PLB1: variants seen among roughly 807,000 people sequenced by gnomAD.
The protein encoded by PLB1 is phospholipase B1, membrane-associated.
In PLB1, 242 loss-of-function variants were observed where a neutral mutation model predicts 227.4. The observed-to-expected ratio is 1.06, with a 90% CI of 0.96 to 1.18. PLB1 has a LOEUF of 1.18. PLB1 is among the 50% of genes most tolerant of loss of function. The pLI, the probability that PLB1 is intolerant of heterozygous loss-of-function variation, is 0.00. For synonymous variants in PLB1, 757 were observed against 682.2 expected, an observed-to-expected ratio of 1.11 and a Z score of -1.71; for missense variants, 1,858 against 1,816.3, an observed-to-expected ratio of 1.02 and a Z score of -0.42.
At chr2:28,518,844 C>T (rs1451481469) in intron 3 of PLB1, among the ~76,000 whole-genome samples, 3 of 152,276 alleles carry the variant, frequency 2.0e-5, no homozygotes, top group Non-Finnish European at 4.4e-5. Context: ...CAGCTCTGGA[C>T]CTTTTTCCCC....
chr2:28,568,061 A>G (rs1201357185), intron 20 of PLB1, among the ~76,000 whole-genome samples: 1 of 152,190 alleles, frequency 6.6e-6, no homozygotes, highest in South Asian at 2.1e-4. Context: ...GGCAGAGCAG[A>G]GCTGAGCAGA....
intron 1 of PLB1, among the ~76,000 whole-genome samples, chr2:28,514,634 T>C (rs1423571607): frequency 6.6e-6 from 1 of 152,240 alleles, no homozygotes; most frequent in Admixed American, 6.5e-5. Flanking sequence ...GTAGTTTCAA[T>C]AGAGACCATA....
In PLB1 at chr2:28,563,094, C is replaced by T. The variant is rs746082346; in HGVS notation, c.1201C>T (p.Leu401Phe). Reference protein sequence around the residue: ...INVIGALGDSLTAGNGAGSTP... With the variant: ...INVIGALGDSFTAGNGAGSTP... The stretch of plus-strand genomic sequence containing the variant: ...CGTAATTGGAGCCCTGGGTGACTCT[C>T]TCACGGTAAGTGACCCTGATGCAGA... The change falls in exon 18 of 58, where the codon CTC becomes TTC. Residue 401 changes from leucine (L) to phenylalanine (F), a missense_variant. Coordinates refer to ENST00000327757, the MANE Select transcript of PLB1 (RefSeq NM_153021.5). 89 of 1,612,932 alleles carry T rather than the reference C, an allele frequency of 5.5e-5. No homozygotes were observed. The highest frequency in any genetic ancestry group is 7.5e-5 in the Non-Finnish European group (89 of 1,179,056).
In PLB1 at chr2:28,640,986, C is replaced by T. The variant is rs747048870; in HGVS notation, c.4158C>T (p.Leu1386=). The T allele has an allele frequency of 6.2e-7, 1 of 1,613,834 alleles. No homozygotes were observed. The change falls in exon 57 of 58, where the codon CTC becomes CTT. Residue 1386 remains leucine, a synonymous_variant. Transcript: ENST00000327757. ...ACTTCACCCACAGCCGAGCCAAACT[C>T]AAGTGCCCCTCTCCTGTGAGTAAAC... ...SNNFTHSRAK[L]KCPSPESPYL...
At chr2:28,531,836 T>TTAAACC (rs1671051665) in intron 8 of PLB1, among the ~76,000 whole-genome samples, 1 of 152,208 alleles carries the variant, frequency 6.6e-6, no homozygotes, top group African/African-American at 2.4e-5. Context: ...CCTTGTTTCC[T>TTAAACC]TAAACTATAT....
At chr2:28,539,410 C>A (rs1365252448) in intron 11 of PLB1, among the ~76,000 whole-genome samples, 2 of 152,132 alleles carry the variant, frequency 1.3e-5, no homozygotes, top group Non-Finnish European at 2.9e-5. Context: ...ATACTTTATT[C>A]TTTTATTCTG....
chr2:28,604,036 C>T lies in PLB1; in HGVS notation c.2845C>T (p.Arg949Ter), dbSNP rs1229346251. ...QELARLEAFS[R>*]AYRSSMRELV... ...GCTAGCCAGGCTGGAGGCCTTCAGC[C>T]GAGCCTACCGGGTAAGACCAAGAAG... Residue 949 changes from arginine to a stop codon, truncating the protein, a stop_gained, in exon 40 of 58, where the codon CGA (arginine) becomes TGA (stop). Transcript: ENST00000327757. LOFTEE classifies it high-confidence loss of function. 10 of 1,613,766 alleles carry T rather than the reference C, an allele frequency of 6.2e-6. No homozygotes were observed. Among genetic ancestry groups the T allele is most frequent in the Admixed American group, 5.0e-5 (3 of 60,008 alleles).
Position 28,591,737 on chromosome 2 carries a change from C to G in PLB1, c.2165C>G (p.Pro722Arg), listed in dbSNP as rs1681979666. The change falls in exon 31 of 58, where the codon CCT becomes CGT. Residue 722 changes from proline to arginine, a missense_variant. Transcript: ENST00000327757. ...TGGCTGCCATGCAGGGACAGAGCCC[C>G]TTCTGCCTTGCACCCTACCTCAGGT... ...GTWLPCRDRA[P>R]SALHPTSVHA... The G allele has an allele frequency of 1.9e-6, 3 of 1,613,866 alleles. No individual in the cohort carries two copies. Among genetic ancestry groups the G allele is most frequent in the Non-Finnish European group, 2.5e-6 (3 of 1,179,972 alleles).
At chr2:28,529,288 C>T in intron 6 of PLB1, 29 bp from the exon 7 acceptor site, 1 of 1,535,620 alleles carries the variant, frequency 6.5e-7, no homozygotes, top group Non-Finnish European at 9.0e-7. Flanking sequence ...CTGGTGAAGG[C>T]CAGGGCCTCA....
chr2:28,581,482 C>CAA (rs149826765), intron 23 of PLB1, among the ~76,000 whole-genome samples: 595 of 58,260 alleles, frequency 0.01, 18 homozygotes, highest in African/African-American at 0.049. Flanking sequence ...GAGCTCCACG[C>CAA]AAAAAAATAA....
At chr2:28,513,431 C>G (rs527909367) in intron 1 of PLB1, among the ~76,000 whole-genome samples, 1 of 152,360 alleles carries the variant, frequency 6.6e-6, no homozygotes, top group South Asian at 2.1e-4. Flanking sequence ...CCCCCCTCCT[C>G]AATGGGTGCC....
At chr2:28,554,489 C>CCTTTTTTTTTTTT (rs1674727736) in intron 17 of PLB1, among the ~76,000 whole-genome samples, 1 of 85,468 alleles carries the variant, frequency 1.2e-5, no homozygotes, top group Admixed American at 1.4e-4. Flanking sequence ...CCACACCTGC[C>CCTTTTTTTTTTTT]TTTTTTTTTT....
At chr2:28,612,957 T>C (rs1400459150) in intron 43 of PLB1, among the ~76,000 whole-genome samples, 6 of 151,712 alleles carry the variant, frequency 4.0e-5, no homozygotes, top group Non-Finnish European at 1.5e-5. Context: ...TCTCACTCTG[T>C]TGCCCAGGCT....
intron 14 of PLB1, among the ~76,000 whole-genome samples, chr2:28,544,007 C>CA (rs1025551621): frequency 6.6e-6 from 1 of 152,200 alleles, no homozygotes; most frequent in African/African-American, 2.4e-5. Context: ...TCTTCCCACC[C>CA]AAGCTGCCTT....
In PLB1 at chr2:28,539,784, A is replaced by G. The variant is rs181719086; in HGVS notation, c.699-582A>G. On this transcript the variant is annotated intron_variant, in intron 11 of 57. Coordinates refer to ENST00000327757, the MANE Select transcript of PLB1 (RefSeq NM_153021.5). The stretch of plus-strand genomic sequence containing the variant: ...GAAGGTACAGGGGAGGGAAAGGGGA[A>G]TGGGATGTGGGTGTCTGGTGTGAAG... 8.6e-5 allele frequency among the ~76,000 whole-genome samples: 13 copies of G among 151,894 alleles called. No homozygotes were observed. In the East Asian group the frequency reaches 2.3e-3, roughly 27 times the overall value.
At chr2:28,544,433 C>T (rs1672936789) in intron 14 of PLB1, among the ~76,000 whole-genome samples, 1 of 152,194 alleles carries the variant, frequency 6.6e-6, no homozygotes, top group Non-Finnish European at 1.5e-5. Flanking sequence ...CATCTTTCTC[C>T]CAACCAACAA....
chr2:28,515,687 C>T (rs1668763571), intron 1 of PLB1, among the ~76,000 whole-genome samples: 1 of 152,156 alleles, frequency 6.6e-6, no homozygotes, highest in Admixed American at 6.5e-5. Context: ...AAATCAATCC[C>T]TGTTGCCCAA....
chr2:28,641,693 G>T (rs1021957836), intron 57 of PLB1, among the ~76,000 whole-genome samples: 9 of 152,144 alleles, frequency 5.9e-5, no homozygotes, highest in Admixed American at 3.3e-4. Context: ...TAGACTCAGT[G>T]TCTGTTCCTG....
chr2:28,628,683 T>C (rs1688161023), intron 52 of PLB1, 55 bp downstream of exon 52: 12 of 1,544,172 alleles, frequency 7.8e-6, no homozygotes, highest in Non-Finnish European at 1.1e-5. Context: ...CTGGGATGCA[T>C]GTAGGCAGGC....
Sources: allele counts gnomAD v4.1 joint callset (sites outside exome capture counted in the v4.1 genomes callset), GRCh38; gene constraint gnomAD v4.1.1; transcripts MANE v1.5; gene names NCBI Gene and HGNC (gene_info 2026-07-23, HGNC 2026-07-21).